The following ZNF385D variants were observed in gnomAD, a reference collection of about 807,000 sequenced individuals.
The protein encoded by ZNF385D is zinc finger protein 659.
ZNF385D carries 15 observed loss-of-function variants against 35.8 expected under a neutral mutation model. That is an observed-to-expected ratio of 0.42 (90% CI 0.28 to 0.64). ZNF385D has a LOEUF of 0.64. ZNF385D is among the 30% of genes least tolerant of loss of function. The pLI, the probability that ZNF385D is intolerant of heterozygous loss-of-function variation, is 0.23. For synonymous variants in ZNF385D, 212 were observed against 186.8 expected, an observed-to-expected ratio of 1.13 and a Z score of -1.10; for missense variants, 474 against 494.6, an observed-to-expected ratio of 0.96 and a Z score of 0.39.
rs578145308 is a variant in ZNF385D at position 22,037,281 on chromosome 3, C to T, written c.325+131536G>A. 9.4e-3 allele frequency among the ~76,000 whole-genome samples: 1,276 copies of T among 135,248 alleles called. 34 individuals carry two copies. The highest frequency in any genetic ancestry group is 0.031 in the African/African-American group (1,209 of 38,742). The allele number at this position is 135,248 out of a possible 152,430, so 88.7% of individuals were successfully genotyped here. On this transcript the variant is annotated intron_variant, in intron 3 of 5. Coordinates refer to the ZNF385D transcript ENST00000494108. ...TTCTAGTTCTAGATCCCTGAGGAAT[C>T]ACCACACTGTCTTCCACAATGGTTG...
chr3:22,118,276 T>G (rs1206293417), intron 3 of ZNF385D, among the ~76,000 whole-genome samples: 1 of 152,078 alleles, frequency 6.6e-6, no homozygotes, highest in Non-Finnish European at 1.5e-5. Flanking sequence ...ATAGAGAAAA[T>G]AACTTTAGTT....
intron 4 of ZNF385D, among the ~76,000 whole-genome samples, chr3:21,507,423 T>C (rs1018304762): frequency 5.3e-5 from 8 of 152,200 alleles, no homozygotes; most frequent in Non-Finnish European, 1.0e-4. Context: ...ATTACTAAAA[T>C]GTGATTTCAT....
At chr3:22,217,818 G>T (rs1237341792) in intron 2 of ZNF385D, among the ~76,000 whole-genome samples, 1 of 152,034 alleles carries the variant, frequency 6.6e-6, no homozygotes, top group Admixed American at 6.6e-5. Context: ...GATTTCTAAT[G>T]ATTTTACCTG....
At position 21,539,057 on chromosome 3, in the gene ZNF385D, C is replaced by T. The variant is rs1039899350; in HGVS notation, c.276+25517G>A. 6.6e-6 allele frequency among the ~76,000 whole-genome samples: 1 copy of T among 152,004 alleles called. No individual in the cohort carries two copies. Among genetic ancestry groups the T allele is most frequent in the Non-Finnish European group, 1.5e-5 (1 of 68,014 alleles). ...TCTCTCTGGTCTGAGAAGAGATGAA[C>T]TAGTTTTCAGCTAATACGGAACAAA... On this transcript the variant is annotated intron_variant, in intron 3 of 7. Coordinates refer to ENST00000281523, the MANE Select transcript of ZNF385D (RefSeq NM_024697.3). The surrounding 1 kb of genome is among the most constrained non-coding windows in gnomAD (Gnocchi z 4.0).
rs752994059 is a variant in ZNF385D at position 22,221,566 on chromosome 3, C to A, written c.107-52531G>T. ...GATAAAAGATGCCTTAATTTCATTT[C>A]GCTTTATATCATCGGGGTTTCTCAT... On this transcript the variant is annotated intron_variant, in intron 2 of 5. Transcript: ENST00000494108. 2.0e-5 allele frequency among the ~76,000 whole-genome samples: 3 copies of A among 152,084 alleles called. No homozygotes were observed. The East Asian group carries it at 5.8e-4, about 29-fold the overall frequency.
chr3:21,568,788 AAAT>A (rs2063233962), intron 2 of ZNF385D, among the ~76,000 whole-genome samples: 1 of 152,208 alleles, frequency 6.6e-6, no homozygotes, highest in Admixed American at 6.6e-5. Flanking sequence ...TGATCTGAGA[AAAT>A]TATTTTTAAA....
At chr3:22,354,796 G>A (rs1005145165) in intron 2 of ZNF385D, among the ~76,000 whole-genome samples, 1 of 152,042 alleles carries the variant, frequency 6.6e-6, no homozygotes, top group Non-Finnish European at 1.5e-5. Context: ...GAGTATAATA[G>A]TCTTCTATGC....
At chr3:22,217,089 T>C (rs144422066) in intron 2 of ZNF385D, among the ~76,000 whole-genome samples, 195 of 152,170 alleles carry the variant, frequency 1.3e-3, no homozygotes, top group African/African-American at 4.4e-3. Flanking sequence ...AACCTATAGG[T>C]AAAAGAGAAC....
intron 3 of ZNF385D, among the ~76,000 whole-genome samples, chr3:22,061,494 A>C (rs552729591): frequency 2.0e-5 from 3 of 152,060 alleles, no homozygotes; most frequent in Admixed American, 2.0e-4. Context: ...CTCACTCTTA[A>C]AAGTATACCA....
intron 2 of ZNF385D, among the ~76,000 whole-genome samples, chr3:22,332,172 G>T (rs952425491): frequency 1.3e-5 from 2 of 152,030 alleles, no homozygotes; most frequent in Non-Finnish European, 2.9e-5. Flanking sequence ...TTTTATGCAG[G>T]ATGTGTTTAT....
chr3:22,137,140 T>C (rs1229856891), intron 3 of ZNF385D, among the ~76,000 whole-genome samples: 2 of 152,082 alleles, frequency 1.3e-5, no homozygotes, highest in African/African-American at 2.4e-5. Context: ...TATAAGATCT[T>C]TCTGTGTTTT....
At chr3:21,983,193 T>C (rs1297712136) in intron 3 of ZNF385D, among the ~76,000 whole-genome samples, 1 of 148,552 alleles carries the variant, frequency 6.7e-6, no homozygotes, top group East Asian at 2.0e-4. Flanking sequence ...CTTTAAGTTT[T>C]AGGGTACATG....
intron 2 of ZNF385D, among the ~76,000 whole-genome samples, chr3:21,584,758 C>G (rs1226799508): frequency 6.6e-6 from 1 of 152,032 alleles, no homozygotes; most frequent in Admixed American, 6.6e-5. Context: ...TGTTTTCAGC[C>G]CTACTGGTCC....
At chr3:22,130,172 T>C (rs992596873) in intron 3 of ZNF385D, among the ~76,000 whole-genome samples, 97 of 152,124 alleles carry the variant, frequency 6.4e-4, no homozygotes, top group African/African-American at 2.2e-3. Flanking sequence ...ATTTTTACTG[T>C]GGCTAAGCTG....
chr3:22,206,228 A>G (rs1414298828), intron 2 of ZNF385D, among the ~76,000 whole-genome samples: 2 of 152,042 alleles, frequency 1.3e-5, no homozygotes, highest in South Asian at 2.1e-4. Context: ...TGAAGAGGAT[A>G]CAACAATTGT....
At chr3:22,305,980 G>A (rs1392232472) in intron 2 of ZNF385D, among the ~76,000 whole-genome samples, 1 of 152,138 alleles carries the variant, frequency 6.6e-6, no homozygotes, top group Non-Finnish European at 1.5e-5. Context: ...ACTGAAGGAA[G>A]GTTTTCCTAT....
At chr3:22,302,230 C>T (rs550352607) in intron 2 of ZNF385D, among the ~76,000 whole-genome samples, 1 of 152,130 alleles carries the variant, frequency 6.6e-6, no homozygotes, top group Non-Finnish European at 1.5e-5. Flanking sequence ...TCGCTAACCA[C>T]CAGCTACCTA....
intron 4 of ZNF385D, among the ~76,000 whole-genome samples, chr3:21,489,269 G>T (rs1312150926): frequency 1.3e-5 from 2 of 152,098 alleles, no homozygotes; most frequent in Non-Finnish European, 2.9e-5. Context: ...TAGAACTCAA[G>T]ATGTTCCATT....
At chr3:22,219,766 G>T (rs976484723) in intron 2 of ZNF385D, among the ~76,000 whole-genome samples, 2 of 152,088 alleles carry the variant, frequency 1.3e-5, no homozygotes, top group Non-Finnish European at 2.9e-5. Context: ...AATGAATAAA[G>T]ATTTTGAATA....
Sources: gnomAD v4.1 joint callset for allele counts (sites outside exome capture counted in the v4.1 genomes callset) on GRCh38, gnomAD v4.1.1 for gene constraint, Gnocchi (gnomAD v3.1) non-coding constraint, MANE v1.5 for transcripts, NCBI Gene and HGNC (gene_info 2026-07-23, HGNC 2026-07-21) for gene names.